The following MGAT4C variants were observed in gnomAD, a reference collection of about 807,000 sequenced individuals.
MGAT4C encodes alpha-1,3-mannosyl-glycoprotein 4-beta-N-acetylglucosaminyltransferase C.
A neutral mutation model predicts 40.1 loss-of-function variants in MGAT4C; 19 were observed. That is an observed-to-expected ratio of 0.47 (90% CI 0.33 to 0.70). The LOEUF (loss-of-function observed/expected upper bound fraction) is 0.70. MGAT4C is among the 30% of genes least tolerant of loss of function. The pLI is 0.02. For synonymous variants in MGAT4C, 181 were observed against 187.1 expected (o/e 0.97, Z 0.27); for missense variants, 491 against 563.2 (o/e 0.87, Z 1.30).
At chr12:86,341,601 C>T (rs1011482929) in intron 3 of MGAT4C, among the ~76,000 whole-genome samples, 3 of 152,222 alleles carry the variant, frequency 2.0e-5, no homozygotes, top group African/African-American at 7.2e-5. Context: ...GCACTGCACT[C>T]CCCTAAGAAG....
At chr12:86,825,524 G>T (rs1308235396) in intron 1 of MGAT4C, among the ~76,000 whole-genome samples, 1 of 151,112 alleles carries the variant, frequency 6.6e-6, no homozygotes, top group Non-Finnish European at 1.5e-5. Flanking sequence ...AACATTAATG[G>T]GTACCAATAA....
At chr12:86,163,093 GA>G (rs759726549) in intron 1 of MGAT4C, among the ~76,000 whole-genome samples, 8 of 152,240 alleles carry the variant, frequency 5.3e-5, no homozygotes, top group Non-Finnish European at 1.0e-4. Flanking sequence ...AGCCTTCTGT[GA>G]GTAAAATCGC....
chr12:86,654,691 A>G (rs984766913), intron 2 of MGAT4C, among the ~76,000 whole-genome samples: 6 of 150,258 alleles, frequency 4.0e-5, no homozygotes, highest in African/African-American at 1.5e-4. Context: ...TAGTTATATG[A>G]TTTAGGGCAA....
intron 2 of MGAT4C, among the ~76,000 whole-genome samples, chr12:86,613,679 C>T (rs916508778): frequency 6.6e-6 from 1 of 151,744 alleles, no homozygotes; most frequent in African/African-American, 2.4e-5. Context: ...CTGCAAGCAC[C>T]CTAAATAGAG....
chr12:86,668,428 GGAA>G (rs1380947510), intron 2 of MGAT4C, among the ~76,000 whole-genome samples: 2 of 152,184 alleles, frequency 1.3e-5, no homozygotes, highest in African/African-American at 4.8e-5. Flanking sequence ...TCCACGAGGA[GGAA>G]GAGCTCTTTG....
At chr12:86,008,887 C>T (rs1269161305) in intron 2 of MGAT4C, among the ~76,000 whole-genome samples, 1 of 151,848 alleles carries the variant, frequency 6.6e-6, no homozygotes, top group African/African-American at 2.4e-5. Flanking sequence ...CTTTATTGTG[C>T]TATACGATGG....
chr12:86,492,339 G>A (rs1223949050), intron 2 of MGAT4C, among the ~76,000 whole-genome samples: 1 of 152,104 alleles, frequency 6.6e-6, no homozygotes, highest in Non-Finnish European at 1.5e-5. Flanking sequence ...GCATTGCCAA[G>A]TCAATCCTAA....
chr12:86,539,843 C>G (rs1312158525), intron 2 of MGAT4C, among the ~76,000 whole-genome samples: 1 of 152,056 alleles, frequency 6.6e-6, no homozygotes, highest in Non-Finnish European at 1.5e-5. Flanking sequence ...CTGTTCATAT[C>G]CTTTGCCCAC....
At chr12:86,264,469 G>A (rs943610178) in intron 4 of MGAT4C, among the ~76,000 whole-genome samples, 2 of 152,190 alleles carry the variant, frequency 1.3e-5, no homozygotes, top group African/African-American at 4.8e-5. Context: ...GGCTGCAGCG[G>A]GGGAGGCGGG....
At chr12:86,451,076 T>C (rs1030581965) in intron 2 of MGAT4C, among the ~76,000 whole-genome samples, 7 of 152,268 alleles carry the variant, frequency 4.6e-5, no homozygotes, top group Non-Finnish European at 7.4e-5. Context: ...TATAGAAATG[T>C]AATCGCCAAT....
At chr12:86,015,677 G>A (rs910297990) in intron 2 of MGAT4C, 2 of 152,150 alleles carry the variant, frequency 1.3e-5, no homozygotes, top group Admixed American at 1.3e-4. Context: ...GTTTCAAGAT[G>A]GTGACTCAGG....
intron 2 of MGAT4C, among the ~76,000 whole-genome samples, chr12:86,538,782 T>C (rs1959120093): frequency 6.6e-6 from 1 of 151,870 alleles, no homozygotes; most frequent in African/African-American, 2.4e-5. Flanking sequence ...TAATTTTTTA[T>C]ATTTTTAGTA....
At chr12:86,778,488 GAA>G (rs1031128877) in intron 1 of MGAT4C, among the ~76,000 whole-genome samples, 1 of 152,086 alleles carries the variant, frequency 6.6e-6, no homozygotes, top group Non-Finnish European at 1.5e-5. Context: ...ATCGTATAAG[GAA>G]AGAGGCATCC....
chr12:86,293,489 T>G (rs1479500382), intron 4 of MGAT4C, among the ~76,000 whole-genome samples: 1 of 152,234 alleles, frequency 6.6e-6, no homozygotes, highest in East Asian at 1.9e-4. Context: ...TTAATTTTTT[T>G]GACAACTGAA....
intron 2 of MGAT4C, among the ~76,000 whole-genome samples, chr12:86,626,197 G>T (rs907191461): frequency 6.6e-6 from 1 of 152,074 alleles, no homozygotes; most frequent in Non-Finnish European, 1.5e-5. Context: ...CTGTGAAGAA[G>T]ATTTTTTTTC....
At chr12:86,099,404 C>A (rs1874535510) in intron 1 of MGAT4C, among the ~76,000 whole-genome samples, 1 of 104,334 alleles carries the variant, frequency 9.6e-6, no homozygotes, top group South Asian at 4.2e-4. Context: ...GCAAAAGAAG[C>A]TTTCTTTCTT....
rs1022499370 is a variant in MGAT4C at position 86,117,977 on chromosome 12, A to G, written c.-56-68254T>C. ...GATTTTGACTTGCATAACTAGAAAA[A>G]AATCACAAACTAGAAAAAAGGCAGA... On this transcript the variant is annotated intron_variant, in intron 1 of 4. Transcript: ENST00000611864. 3.9e-5 allele frequency among the ~76,000 whole-genome samples: 6 copies of G among 152,198 alleles called. No individual in the cohort carries two copies. The South Asian group carries it at 1.2e-3, about 31-fold the overall frequency.
chr12:86,011,733 A>G (rs1426203035), intron 2 of MGAT4C: 1 of 597,866 alleles, frequency 1.7e-6, no homozygotes, highest in Non-Finnish European at 2.1e-6. Flanking sequence ...GTATGTTAAT[A>G]TAATTTGCGA....
intron 2 of MGAT4C, among the ~76,000 whole-genome samples, chr12:86,539,523 CT>C (rs1959136225): frequency 6.6e-6 from 1 of 152,284 alleles, no homozygotes; most frequent in South Asian, 2.1e-4. Context: ...ATTTATAATC[CT>C]TTGGGTATGT....
Sources: allele counts gnomAD v4.1 joint callset (sites outside exome capture counted in the v4.1 genomes callset), GRCh38; gene constraint gnomAD v4.1.1; transcripts MANE v1.5; gene names NCBI Gene and HGNC (gene_info 2026-07-23, HGNC 2026-07-21).